UBE4B: variants seen among roughly 807,000 people sequenced by gnomAD.
UBE4B encodes ubiquitin conjugation factor E4 B.
Under a neutral mutation model 148.1 loss-of-function variants are expected in UBE4B, and 27 were observed. The observed-to-expected ratio is 0.18, with a 90% CI of 0.13 to 0.25. The LOEUF is 0.25. UBE4B is among the 10% of genes least tolerant of loss of function. The pLI, the probability that UBE4B is intolerant of heterozygous loss-of-function variation, is 1.00. For synonymous variants in UBE4B, 596 were observed against 619.3 expected, an observed-to-expected ratio of 0.96 and a Z score of 0.56; for missense variants, 1,170 against 1,662.4, an observed-to-expected ratio of 0.70 and a Z score of 5.15.
At chr1:10,055,364 G>A (rs548825598) in intron 1 of UBE4B, among the ~76,000 whole-genome samples, 69 of 151,448 alleles carry the variant, frequency 4.6e-4, no homozygotes, top group African/African-American at 1.7e-3. Context: ...TCCCAGGCTG[G>A]AGTGCACTGG....
intron 1 of UBE4B, among the ~76,000 whole-genome samples, chr1:10,052,533 G>C (rs1285071122): frequency 6.6e-6 from 1 of 152,192 alleles, no homozygotes; most frequent in African/African-American, 2.4e-5. Context: ...ATGGTCTTTT[G>C]TTAGACCTGT....
In UBE4B at chr1:10,062,438, G is replaced by A. The variant is rs143808422; in HGVS notation, c.25-9590G>A. On this transcript the variant is annotated intron_variant, in intron 1 of 27. Coordinates refer to ENST00000343090, the MANE Select transcript of UBE4B (RefSeq NM_001105562.3). The stretch of plus-strand genomic sequence containing the variant: ...AGGGATTTTTCTTCCTCAGCCTCCC[G>A]AGTAGCTGGGATTATAGGCATGAGC... 7.7e-3 allele frequency among the ~76,000 whole-genome samples: 1,172 copies of A among 152,042 alleles called. 16 individuals carry two copies. Among genetic ancestry groups the A allele is most frequent in the African/African-American group, 0.025 (1,050 of 41,492 alleles).
chr1:10,179,506 A>T lies in UBE4B; in HGVS notation c.3791A>T (p.Asn1264Ile). 1 of 1,613,558 alleles carries T rather than the reference A, an allele frequency of 6.2e-7. No homozygotes were observed. The highest frequency in any genetic ancestry group is 8.5e-7 in the Non-Finnish European group (1 of 1,179,934). Residue 1264 changes from asparagine (N) to isoleucine (I), a missense_variant, in exon 27 of 28, where the codon AAC becomes ATC. Around this residue, in one of 6 missense-constraint regions of UBE4B, gnomAD observed 348 missense variants for 627.2 expected, o/e 0.55. Coordinates refer to ENST00000343090, the MANE Select transcript of UBE4B (RefSeq NM_001105562.3). ...DRSIILRHLL[N>I]SPTDPFNRQT... Reference sequence around the variant, plus strand: ...TCCATCATCCTGCGGCACCTGCTCAACTCCCCCACGGACCCCTTCAACCGG... The same window carrying T: ...TCCATCATCCTGCGGCACCTGCTCATCTCCCCCACGGACCCCTTCAACCGG...
At chr1:10,039,702 A>C (rs1643684125) in intron 1 of UBE4B, among the ~76,000 whole-genome samples, 1 of 151,938 alleles carries the variant, frequency 6.6e-6, no homozygotes, top group African/African-American at 2.4e-5. Flanking sequence ...TGCCTGCCAA[A>C]GTGCTGGGAT....
intron 1 of UBE4B, among the ~76,000 whole-genome samples, chr1:10,068,589 CA>C (rs1386018652): frequency 1.3e-5 from 2 of 151,166 alleles, no homozygotes; most frequent in African/African-American, 2.4e-5. Context: ...GACCTCGGGC[CA>C]TCTGCCTGCC....
At chr1:10,046,696 C>T (rs1643918943) in intron 1 of UBE4B, among the ~76,000 whole-genome samples, 1 of 152,074 alleles carries the variant, frequency 6.6e-6, no homozygotes, top group Admixed American at 6.6e-5. Context: ...TGTTTCTTTT[C>T]CTCTGGGGTC....
intron 19 of UBE4B, 118 bp from the exon 20 acceptor site, chr1:10,149,066 A>G (rs146205292): frequency 4.3e-6 from 3 of 697,626 alleles, no homozygotes; most frequent in East Asian, 2.7e-5. Flanking sequence ...ATTACATAGT[A>G]TTACAGAATG....
At chr1:10,133,838 C>T (rs1323775525) in intron 15 of UBE4B, among the ~76,000 whole-genome samples, 1 of 151,936 alleles carries the variant, frequency 6.6e-6, no homozygotes, top group Non-Finnish European at 1.5e-5. Context: ...TCACTTGAGC[C>T]AGGGAGGTCG....
intron 2 of UBE4B, among the ~76,000 whole-genome samples, chr1:10,077,252 C>T (rs990894851): frequency 6.6e-6 from 1 of 152,122 alleles, no homozygotes; most frequent in Admixed American, 6.6e-5. Context: ...TGCTGGCAGT[C>T]CTTGGCATTT....
At chr1:10,089,710 T>C (rs1022514047) in intron 2 of UBE4B, among the ~76,000 whole-genome samples, 4 of 151,730 alleles carry the variant, frequency 2.6e-5, no homozygotes, top group Non-Finnish European at 4.4e-5. Flanking sequence ...AATTTTTTTT[T>C]TTTTTTTGAG....
chr1:10,105,869 G>A (rs1402096401), intron 6 of UBE4B, 125 bp downstream of exon 6: 2 of 1,059,888 alleles, frequency 1.9e-6, no homozygotes. Context: ...TCATATTTGG[G>A]GAGGTGGATT....
Position 10,072,086 on chromosome 1 carries a change from C to T in UBE4B, c.83C>T (p.Pro28Leu). The T allele has an allele frequency of 6.2e-7, 1 of 1,613,178 alleles. No homozygotes were observed. Among genetic ancestry groups the T allele is most frequent in the Non-Finnish European group, 8.5e-7 (1 of 1,179,688 alleles). ...GGACAGACCTCTCAGCCAACCACCC[C>T]ACTCACCTCTCCCCAGAGGGAGAAC... The part of the protein sequence containing the change: ...AGGQTSQPTT[P>L]LTSPQRENPP... Residue 28 changes from proline to leucine, a missense_variant, in exon 2 of 28, where the codon CCA (proline) becomes CTA (leucine). Pro to Leu is a moderately conservative substitution (Grantham distance 98). Transcript: ENST00000343090.
chr1:10,128,980 A>G, intron 11 of UBE4B: 1 of 157,156 alleles, frequency 6.4e-6, no homozygotes, highest in Non-Finnish European at 1.4e-5. Flanking sequence ...ATTTATAGTC[A>G]TGTTTAACAC....
At chr1:10,179,815 T>A (rs1646480082) in intron 27 of UBE4B, 80 bp from the exon 28 acceptor site, 2 of 1,566,646 alleles carry the variant, frequency 1.3e-6, no homozygotes, top group Non-Finnish European at 1.7e-6. Context: ...TTCTTCCCAT[T>A]TATACAGAGC....
At chr1:10,156,647 G>A (rs911659376) in intron 21 of UBE4B, among the ~76,000 whole-genome samples, 1 of 152,100 alleles carries the variant, frequency 6.6e-6, no homozygotes, top group African/African-American at 2.4e-5. Context: ...TGGTCCTCCT[G>A]TATCTTCCTC....
chr1:10,076,969 A>C (rs929550641), intron 2 of UBE4B, among the ~76,000 whole-genome samples: 1 of 150,860 alleles, frequency 6.6e-6, no homozygotes, highest in African/African-American at 2.4e-5. Flanking sequence ...CTGGTCTCGA[A>C]CTCCTGACCT....
chr1:10,158,632 G>A, intron 22 of UBE4B, 150 bp downstream of exon 22: 2 of 1,059,600 alleles, frequency 1.9e-6, no homozygotes, highest in South Asian at 3.4e-5. Context: ...CTAAATGTGG[G>A]CAGGATTTTT....
At chr1:10,090,255 G>A (rs1644825109) in intron 2 of UBE4B, among the ~76,000 whole-genome samples, 1 of 152,112 alleles carries the variant, frequency 6.6e-6, no homozygotes, top group Non-Finnish European at 1.5e-5. Flanking sequence ...GAGTAGGTGG[G>A]ACTACAGGCG....
chr1:10,143,466 C>T (rs1645816508), intron 17 of UBE4B, among the ~76,000 whole-genome samples: 1 of 152,054 alleles, frequency 6.6e-6, no homozygotes, highest in Non-Finnish European at 1.5e-5. Context: ...CCCATTGTCA[C>T]ATCTCCTTCT....
Sources: allele counts gnomAD v4.1 joint callset (sites outside exome capture counted in the v4.1 genomes callset), GRCh38; gene constraint gnomAD v4.1.1; regional missense constraint gnomAD v4.1.1; transcripts MANE v1.5; gene names NCBI Gene and HGNC (gene_info 2026-07-23, HGNC 2026-07-21).